The following SHE variants were observed in gnomAD, a reference collection of about 807,000 sequenced individuals.
SHE encodes the protein Src homology 2 domain containing E.
A neutral mutation model predicts 49.8 loss-of-function variants in SHE; 11 were observed. The observed-to-expected ratio is 0.22, with a 90% CI of 0.14 to 0.37. The LOEUF is 0.37. Among genes scored for constraint, SHE ranks in the 10% least tolerant of loss-of-function variants. The pLI is 1.00. For synonymous variants in SHE, 310 were observed against 278.1 expected, an observed-to-expected ratio of 1.11 and a Z score of -1.14; for missense variants, 624 against 655.5, an observed-to-expected ratio of 0.95 and a Z score of 0.52.
At position 154,483,665 on chromosome 1, in the gene SHE, G is replaced by C; in HGVS notation, c.*484C>G. On this transcript the variant is annotated 3_prime_UTR_variant, in exon 6 of 6. Transcript: ENST00000304760. ...CTACTTAGCAAGGAAACAAGGGACA[G>C]GCCACAAACAAAGTGTCATGGAATC... is the stretch of plus-strand genomic sequence containing the variant. The C allele has an allele frequency of 1.0e-6, 1 of 987,392 alleles. No homozygotes were observed. Among genetic ancestry groups the C allele is most frequent in the South Asian group, 4.7e-5 (1 of 21,392 alleles). 61.2% of individuals were successfully genotyped at this position (987,392 alleles called of 1,614,324 possible).
chr1:154,472,043 G>A (rs1691758009), intron 1 of SHE, among the ~76,000 whole-genome samples: 1 of 151,790 alleles, frequency 6.6e-6, no homozygotes, highest in South Asian at 2.1e-4. Flanking sequence ...CATGGTGGTG[G>A]GCGCCTGTAG....
chr1:154,491,737 G>A (rs563588216), intron 2 of SHE, among the ~76,000 whole-genome samples: 1 of 152,338 alleles, frequency 6.6e-6, no homozygotes, highest in African/African-American at 2.4e-5. Flanking sequence ...AATGTCTCCA[G>A]GCAGGTGACA....
chr1:154,495,472 C>G (rs1692498277), intron 2 of SHE, among the ~76,000 whole-genome samples: 1 of 151,976 alleles, frequency 6.6e-6, no homozygotes, highest in South Asian at 2.1e-4. Flanking sequence ...AAGTTAAGAG[C>G]AAAGTTTTGG....
At chr1:154,476,993 AATG>A (rs1419820120), downstream of SHE, among the ~76,000 whole-genome samples, 1 of 152,212 alleles carries the variant, frequency 6.6e-6, no homozygotes, top group African/African-American at 2.4e-5. Context: ...GGATTCTGGA[AATG>A]ATAACCTCAT....
At position 154,489,152 on chromosome 1, in the gene SHE, C is replaced by T. The variant is rs201328310; in HGVS notation, c.923G>A (p.Arg308Gln). The T allele has an allele frequency of 2.9e-5, 47 of 1,614,092 alleles. No homozygotes were observed. Among genetic ancestry groups the T allele is most frequent in the South Asian group, 8.8e-5 (8 of 91,084 alleles). Residue 308 changes from arginine (R) to glutamine (Q), a missense_variant, in exon 3 of 6, where the codon CGG becomes CAG. Physicochemically the swap from Arg to Gln is conservative, Grantham distance 43 (BLOSUM62 1). Transcript: ENST00000304760. ...EGGPRAEGKA[R>Q]PPDSRLPEND... ...CTCGGGCAGCCGGCTGTCTGGGGGC[C>T]GCGCCTTCCCCTCTGCCCTGGGCCC...
chr1:154,482,496 A>C lies in SHE; in HGVS notation c.*1653T>G, dbSNP rs180966938. ...AACTACAAAGGTATACTTTCCTAAA[A>C]AATTAACCAAATCAACATTTTGTGT... On this transcript the variant is annotated 3_prime_UTR_variant, in exon 6 of 6. Coordinates refer to ENST00000304760, the MANE Select transcript of SHE (RefSeq NM_001010846.3). The C allele has an allele frequency of 1.0e-6, 1 of 985,424 alleles. No individual in the cohort carries two copies. The highest frequency in any genetic ancestry group is 1.7e-5 in the African/African-American group (1 of 57,372). 61.0% of individuals were successfully genotyped at this position (985,424 alleles called of 1,614,324 possible). A position where few individuals can be genotyped will look rare whatever the true frequency, so the allele number is the denominator to read the frequency against.
Position 154,486,658 on chromosome 1 carries a change from A to C in SHE, c.1050T>G (p.Pro350=). ...LSVQFEGAER[P]SFREETVRQH... is the part of the protein sequence containing the mutation. The stretch of plus-strand genomic sequence containing the variant: ...GCCTCACTGTCTCCTCCCTGAAGGA[A>C]GGTCGCTCAGCTCCTTCAAACTGGA... Residue 350 remains proline (P), a synonymous_variant, in exon 4 of 6, where the codon CCT becomes CCG. Transcript: ENST00000304760. The C allele has an allele frequency of 1.2e-6, 2 of 1,614,162 alleles. No individual in the cohort carries two copies. The highest frequency in any genetic ancestry group is 1.7e-6 in the Non-Finnish European group (2 of 1,180,046).
intron 1 of SHE, among the ~76,000 whole-genome samples, chr1:154,500,583 G>A (rs907462227): frequency 1.3e-5 from 2 of 152,108 alleles, no homozygotes; most frequent in Admixed American, 1.3e-4. Flanking sequence ...CTGAAATCTC[G>A]ATTTGAGCTC....
intron 3 of SHE, among the ~76,000 whole-genome samples, 180 bp from the exon 4 acceptor site, chr1:154,486,863 A>G (rs921615340): frequency 2.0e-5 from 3 of 152,232 alleles, no homozygotes; most frequent in African/African-American, 7.2e-5. Flanking sequence ...TTGATATCTG[A>G]TCACACTGCT....
rs1352247489 is a variant in SHE at position 154,484,254 on chromosome 1, A to C, written c.1383T>G (p.Phe461Leu). Residue 461 changes from phenylalanine to leucine, a missense_variant, in exon 6 of 6, where the codon TTT becomes TTG. Physicochemically the swap from Phe to Leu is conservative, Grantham distance 22. Transcript: ENST00000304760. ...AGTGTACCACTTCAGGGATGCTGTCAAACACAGCGCTTGTCTGATTCAGTG... is the reference window on the plus strand; with the variant it reads ...AGTGTACCACTTCAGGGATGCTGTCCAACACAGCGCTTGTCTGATTCAGTG... Reference protein sequence around the residue: ...KYTLNQTSAVFDSIPEVVHYY... With the variant: ...KYTLNQTSAVLDSIPEVVHYY... 6.2e-7 allele frequency: 1 copy of C among 1,614,118 alleles called. No individual in the cohort carries two copies. Among genetic ancestry groups the C allele is most frequent in the Non-Finnish European group, 8.5e-7 (1 of 1,180,054 alleles).
intron 2 of SHE, among the ~76,000 whole-genome samples, chr1:154,489,666 G>T (rs1692304532): frequency 6.6e-6 from 1 of 152,258 alleles, no homozygotes; most frequent in South Asian, 2.1e-4. Context: ...CAGTTTGTAA[G>T]TAGTGGCCTC....
intron 2 of SHE, among the ~76,000 whole-genome samples, chr1:154,491,419 C>G (rs1692359340): frequency 6.6e-6 from 1 of 152,204 alleles, no homozygotes; most frequent in Admixed American, 6.5e-5. Context: ...CCACCGGTGT[C>G]CTGGCGATCT....
At chr1:154,490,097 A>G (rs923685853) in intron 2 of SHE, among the ~76,000 whole-genome samples, 2 of 152,242 alleles carry the variant, frequency 1.3e-5, no homozygotes, top group African/African-American at 4.8e-5. Context: ...ATTGCTGCAT[A>G]TACACTAAGG....
chr1:154,495,222 A>C (rs1024617397), intron 2 of SHE, among the ~76,000 whole-genome samples: 18 of 152,242 alleles, frequency 1.2e-4, no homozygotes, highest in Admixed American at 1.1e-3. Context: ...GTCCGATGCT[A>C]ATGTTTCAAA....
At chr1:154,470,356 G>A (rs1285383752) in exon 2 of SHE, 14 of 1,289,236 alleles carry the variant, frequency 1.1e-5, no homozygotes, top group Non-Finnish European at 1.3e-5. Flanking sequence ...AGAGCAGATG[G>A]TGATTTCTGT....
chr1:154,497,826 A>C (rs1165016153), intron 2 of SHE, among the ~76,000 whole-genome samples: 1 of 151,966 alleles, frequency 6.6e-6, no homozygotes, highest in Non-Finnish European at 1.5e-5. Flanking sequence ...AATTACAGGC[A>C]TGCACCACCA....
In SHE at chr1:154,502,235, C is replaced by T. The variant is rs1414627283; in HGVS notation, c.-209G>A. On this transcript the variant is annotated 5_prime_UTR_variant, in exon 1 of 6. Transcript: ENST00000304760. ...CCCGGGCTCGTCTTCAACGCCTGCC[C>T]GGCCCGAGGACACCGTGGCTCTCGG... The T allele has an allele frequency of 7.6e-6, 2 of 263,330 alleles. No homozygotes were observed. Among genetic ancestry groups the T allele is most frequent in the African/African-American group, 2.2e-5 (1 of 44,552 alleles). The allele number at this position is 263,330 out of a possible 1,614,324, so 16.3% of individuals were successfully genotyped here.
chr1:154,496,056 CA>C (rs1692519702), intron 2 of SHE, among the ~76,000 whole-genome samples: 2 of 152,118 alleles, frequency 1.3e-5, no homozygotes. Context: ...GTTTAAAAAA[CA>C]AAAAACAAAA....
downstream of SHE, among the ~76,000 whole-genome samples, chr1:154,478,576 G>A (rs1691942289): frequency 6.6e-6 from 1 of 152,168 alleles, no homozygotes; most frequent in Non-Finnish European, 1.5e-5. Flanking sequence ...ACCTGGCTGA[G>A]TTGTGGCAGA....
Sources: gnomAD v4.1 joint callset for allele counts (sites outside exome capture counted in the v4.1 genomes callset) on GRCh38, gnomAD v4.1.1 for gene constraint, MANE v1.5 for transcripts, NCBI Gene and HGNC (gene_info 2026-07-23, HGNC 2026-07-21) for gene names.